ETAA1: variants seen among roughly 807,000 people sequenced by gnomAD.
ETAA1 encodes the protein ETAA1 activator of ATR kinase, also known as ewing's tumor-associated antigen 1.
In ETAA1, 49 loss-of-function variants were observed where a neutral mutation model predicts 76.8. The observed-to-expected ratio is 0.64, with a 90% CI of 0.51 to 0.81. The LOEUF (loss-of-function observed/expected upper bound fraction) is 0.81, where lower values mean the gene tolerates loss of function less well. ETAA1 is among the 30% of genes least tolerant of loss of function. ETAA1 has a pLI of 0.00. For synonymous variants in ETAA1, 373 were observed against 372.2 expected, an observed-to-expected ratio of 1.00 and a Z score of -0.03; for missense variants, 1,099 against 1,074.0, an observed-to-expected ratio of 1.02 and a Z score of -0.32.
rs1676346511 is a variant in ETAA1 at position 67,410,558 on chromosome 2, C to G, written c.*520C>G. 6.6e-6 allele frequency: 1 copy of G among 151,852 alleles called. No individual in the cohort carries two copies. The highest frequency in any genetic ancestry group is 1.5e-5 in the Non-Finnish European group (1 of 67,888). 9.4% of individuals were successfully genotyped at this position (151,852 alleles called of 1,614,324 possible). On this transcript the variant is annotated 3_prime_UTR_variant, in exon 6 of 6. Transcript: ENST00000272342. The stretch of plus-strand genomic sequence containing the variant: ...ATTTGTAAGGAAATTATGTTCAGTT[C>G]TTAGAAGTGGATTTGAATTTTAATA...
At chr2:67,398,872 C>T (rs1675974494) in intron 1 of ETAA1, among the ~76,000 whole-genome samples, 1 of 152,126 alleles carries the variant, frequency 6.6e-6, no homozygotes, top group South Asian at 2.1e-4. Context: ...TCCCCAAAGC[C>T]TCCAAGACTC....
In ETAA1 at chr2:67,404,939, T is replaced by C. The variant is rs112013738; in HGVS notation, c.2257T>C (p.Ser753Pro). 558 of 1,613,134 alleles carry C rather than the reference T, an allele frequency of 3.5e-4. 2 individuals carry two copies. The African/African-American group carries it at 6.0e-3, about 17-fold the overall frequency. The change falls in exon 5 of 6, where the codon TCT (serine) becomes CCT (proline). Residue 753 changes from serine to proline, a missense_variant. By Grantham distance (74) the Ser-to-Pro change is moderately conservative. Around this residue, in one of 3 missense-constraint regions of ETAA1, gnomAD observed 302 missense variants for 278.1 expected, o/e 1.09. Coordinates refer to ENST00000272342, the MANE Select transcript of ETAA1 (RefSeq NM_019002.4). ...CTGTCAGATAAATAATCTGCATGTG[T>C]CTTATACTAACACTGATGTTCCAAT... ...SNCQINNLHV[S>P]YTNTDVPIQV...
intron 3 of ETAA1, 138 bp from the exon 4 acceptor site, chr2:67,402,720 GGTAA>G (rs1280305558): frequency 4.7e-5 from 18 of 386,018 alleles, no homozygotes; most frequent in African/African-American, 3.6e-4. Context: ...TTTTGAGTTT[GGTAA>G]GTGTTACCTC....
chr2:67,404,850 TG>T lies in ETAA1; in HGVS notation c.2169del (p.Met723IlefsTer9). 1 of 1,613,008 alleles carries T rather than the reference TG, an allele frequency of 6.2e-7. No individual in the cohort carries two copies. Among genetic ancestry groups the T allele is most frequent in the Admixed American group, 1.7e-5 (1 of 59,870 alleles). ...DKPMKMEKGEMYGNSPRFLGA... is the reference protein window; with the variant it reads ...DKPMKMEKGEXYGNSPRFLGA... ...CCAATGAAGATGGAGAAAGGGGAAA[TG>T]TATGGAAATTCTCCAAGATTTTTAG... is the stretch of plus-strand genomic sequence containing the variant. On this transcript the variant is annotated frameshift_variant, in exon 5 of 6. Transcript: ENST00000272342. LOFTEE classifies it high-confidence loss of function.
intron 5 of ETAA1, 129 bp from the exon 6 acceptor site, chr2:67,409,782 T>C: frequency 2.6e-6 from 2 of 760,902 alleles, no homozygotes; most frequent in East Asian, 2.6e-5. Flanking sequence ...TTATATTCAG[T>C]AGTTTAGTTT....
intron 3 of ETAA1, chr2:67,401,144 C>A (rs1423894680): frequency 6.6e-6 from 1 of 151,960 alleles, no homozygotes; most frequent in Non-Finnish European, 1.5e-5. Context: ...GAAATGACAA[C>A]AGTACGCAAG....
intron 5 of ETAA1, among the ~76,000 whole-genome samples, chr2:67,408,521 A>ACTC (rs1334020256): frequency 4.0e-5 from 6 of 148,958 alleles, no homozygotes; most frequent in Non-Finnish European, 9.0e-5. Context: ...TTGCTTTCTG[A>ACTC]CTCTTTCTTT....
chr2:67,404,794 A>G lies in ETAA1; in HGVS notation c.2112A>G (p.Thr704=). The G allele has an allele frequency of 1.2e-6, 2 of 1,613,488 alleles. No homozygotes were observed. The highest frequency in any genetic ancestry group is 1.3e-5 in the African/African-American group (1 of 75,040). ...HLNPGSISVQ[T]SLTNSSQIDK... ...ATCCAGGCAGCATTTCAGTGCAGAC[A>G]TCTTTGACAAATAGCTCACAAATAG... is the stretch of plus-strand genomic sequence containing the variant. The change falls in exon 5 of 6, where the codon ACA becomes ACG. Residue 704 remains threonine (T), a synonymous_variant. Transcript: ENST00000272342.
intron 3 of ETAA1, chr2:67,402,273 T>C (rs1676077739): frequency 6.6e-6 from 1 of 151,896 alleles, no homozygotes. Flanking sequence ...TTTATTCTTA[T>C]TCCTGTCTCA....
In ETAA1 at chr2:67,404,306, A is replaced by G. The variant is rs766810149; in HGVS notation, c.1624A>G (p.Ile542Val). ...QKNKCILNQS[I>V]KAPVNTDLFG... ...AAATAAGTGCATTTTAAATCAGTCT[A>G]TTAAAGCCCCTGTTAATACTGATCT... The change falls in exon 5 of 6, where the codon ATT (isoleucine) becomes GTT (valine). Residue 542 changes from isoleucine to valine, a missense_variant. Ile to Val is a conservative substitution (Grantham distance 29). Transcript: ENST00000272342. The G allele has an allele frequency of 1.3e-5, 21 of 1,612,516 alleles. No individual in the cohort carries two copies. In the Middle Eastern group the frequency reaches 2.0e-3, roughly 152 times the overall value.
rs933119054 is a variant in ETAA1 at position 67,397,336 on chromosome 2, G to C, written c.-113G>C. ...GGCCGCCTCTTGCGCGCGCCCCACC[G>C]ACCAAAATGGCGGCTGCCGTTGGTG... On this transcript the variant is annotated 5_prime_UTR_variant, in exon 1 of 6. Coordinates refer to ENST00000272342, the MANE Select transcript of ETAA1 (RefSeq NM_019002.4). The C allele has an allele frequency of 1.7e-6, 2 of 1,186,170 alleles. No individual in the cohort carries two copies. Among genetic ancestry groups the C allele is most frequent in the Non-Finnish European group, 2.4e-6 (2 of 817,014 alleles). 73.5% of individuals were successfully genotyped at this position (1,186,170 alleles called of 1,614,324 possible). A position where few individuals can be genotyped will look rare whatever the true frequency, so the allele number is the denominator to read the frequency against.
chr2:67,399,312 A>G lies in ETAA1; in HGVS notation c.352+15A>G, dbSNP rs755137984. 2 of 1,593,866 alleles carry G rather than the reference A, an allele frequency of 1.3e-6. No homozygotes were observed. The highest frequency in any genetic ancestry group is 1.7e-6 in the Non-Finnish European group (2 of 1,168,014). ...AAAGCAGTTAGGTAATTAATTATTA[A>G]CATTTTTTATGTGAGTAAATATTTG... On this transcript the variant is annotated intron_variant, in intron 2 of 5. Coordinates refer to ENST00000272342, the MANE Select transcript of ETAA1 (RefSeq NM_019002.4).
chr2:67,401,377 A>G (rs1423166700), intron 3 of ETAA1: 1 of 151,900 alleles, frequency 6.6e-6, no homozygotes, highest in African/African-American at 2.4e-5. Flanking sequence ...ATTTTTTTAA[A>G]TATGCGCTTT....
chr2:67,409,763 C>T (rs1676318255), intron 5 of ETAA1, 148 bp from the exon 6 acceptor site: 3 of 671,740 alleles, frequency 4.5e-6, no homozygotes, highest in Non-Finnish European at 7.5e-6. Context: ...GTATTATGTA[C>T]TTAGAATTTT....
Position 67,403,410 on chromosome 2 carries a change from T to A in ETAA1, c.728T>A (p.Ile243Lys). 6.2e-7 allele frequency: 1 copy of A among 1,609,018 alleles called. No homozygotes were observed. Among genetic ancestry groups the A allele is most frequent in the Non-Finnish European group, 8.5e-7 (1 of 1,175,772 alleles). The part of the protein sequence containing the change: ...DNIQMWSLHN[I>K]VPEIDNATKK... ...ATACAGATGTGGTCATTACATAATA[T>A]AGTTCCCGAAATAGATAATGCTACA... is the stretch of plus-strand genomic sequence containing the variant. Residue 243 changes from isoleucine to lysine, a missense_variant, in exon 5 of 6, where the codon ATA becomes AAA. This residue lies in a region of ETAA1 where 761 missense variants were observed against 731.9 expected (regional missense o/e 1.04). Transcript: ENST00000272342.
At chr2:67,408,646 T>A (rs1676283605) in intron 5 of ETAA1, among the ~76,000 whole-genome samples, 1 of 152,124 alleles carries the variant, frequency 6.6e-6, no homozygotes, top group African/African-American at 2.4e-5. Flanking sequence ...TTATTATAGA[T>A]TGAGTTAAAG....
At position 67,411,230 on chromosome 2, in the gene ETAA1, C is replaced by T. The variant is rs1676362437; in HGVS notation, c.*1192C>T. The T allele has an allele frequency of 6.6e-6, 1 of 151,868 alleles. No individual in the cohort carries two copies. The highest frequency in any genetic ancestry group is 2.4e-5 in the African/African-American group (1 of 41,342). 9.4% of individuals were successfully genotyped at this position (151,868 alleles called of 1,614,324 possible). On this transcript the variant is annotated 3_prime_UTR_variant, in exon 6 of 6. Transcript: ENST00000272342. ...TTCCTCTTAAATGGTTTTAGGAGATCTAGAGAAAGTTAGAGATATGAAACA... is the reference window on the plus strand; with the variant it reads ...TTCCTCTTAAATGGTTTTAGGAGATTTAGAGAAAGTTAGAGATATGAAACA...
Position 67,402,969 on chromosome 2 carries a change from C to T in ETAA1, c.537C>T (p.Cys179=). Residue 179 remains cysteine, a synonymous_variant, in exon 4 of 6, where the codon TGC becomes TGT. Coordinates refer to ENST00000272342, the MANE Select transcript of ETAA1 (RefSeq NM_019002.4). ...GAAAATCAAGAGCAAAAATCAGCTG[C>T]ACAAAGTAAGTTAAGACTTTTCAGC... ...AKGKSRAKIS[C]TKLKTQSQEE... is the part of the protein sequence containing the mutation. 1 of 1,598,782 alleles carries T rather than the reference C, an allele frequency of 6.3e-7. No individual in the cohort carries two copies. The highest frequency in any genetic ancestry group is 8.5e-7 in the Non-Finnish European group (1 of 1,173,082).
At chr2:67,402,766 T>TA (rs1676090349) in intron 3 of ETAA1, 96 bp from the exon 4 acceptor site, 2 of 719,154 alleles carry the variant, frequency 2.8e-6, no homozygotes, top group Non-Finnish European at 4.2e-6. Flanking sequence ...TCAAAATCAT[T>TA]AGTTTTTATT....
Sources: allele counts gnomAD v4.1 joint callset (sites outside exome capture counted in the v4.1 genomes callset), GRCh38; gene constraint gnomAD v4.1.1; regional missense constraint gnomAD v4.1.1; transcripts MANE v1.5; gene names NCBI Gene and HGNC (gene_info 2026-07-23, HGNC 2026-07-21).